Variants in MCPH1 observed in about 807,000 individuals in gnomAD.
The protein encoded by MCPH1 is microcephalin.
MCPH1 carries 104 observed loss-of-function variants against 84.5 expected under a neutral mutation model. The observed-to-expected ratio is 1.23, with a 90% confidence interval of 1.05 to 1.45. The LOEUF (loss-of-function observed/expected upper bound fraction) is 1.45. Among genes scored for constraint, MCPH1 ranks in the 40% most tolerant of loss-of-function variants. The pLI is 0.00. For synonymous variants in MCPH1, 514 were observed against 366.8 expected (o/e 1.40, Z -4.58); for missense variants, 1,498 against 1,005.7 (o/e 1.49, Z -6.62).
intron 5 of MCPH1, among the ~76,000 whole-genome samples, chr8:6,437,226 G>A (rs1282798490): frequency 6.6e-6 from 1 of 151,796 alleles, no homozygotes; most frequent in Non-Finnish European, 1.5e-5. Flanking sequence ...TAGAATTGTC[G>A]AGATTTATTT....
chr8:6,622,647 G>GGGTATC (rs1361461294), intron 13 of MCPH1, among the ~76,000 whole-genome samples: 1 of 152,180 alleles, frequency 6.6e-6, no homozygotes, highest in Non-Finnish European at 1.5e-5. Context: ...GTCTAAGATG[G>GGGTATC]GGTATCGGCA....
intron 13 of MCPH1, among the ~76,000 whole-genome samples, chr8:6,637,334 G>A (rs1329918584): frequency 6.6e-6 from 1 of 152,214 alleles, no homozygotes; most frequent in African/African-American, 2.4e-5. Flanking sequence ...TTGCAGGTGA[G>A]TGGCATTTGA....
chr8:6,539,149 T>G lies in MCPH1; in HGVS notation c.2214+39220T>G, dbSNP rs2922877. On this transcript the variant is annotated intron_variant, in intron 12 of 13. Transcript: ENST00000344683. ...GGGAAGGGCTGGGAGATGCGGATTTTGGGCAGCACTTTGTCCTCCTAAACC... is the reference window on the plus strand; with the variant it reads ...GGGAAGGGCTGGGAGATGCGGATTTGGGGCAGCACTTTGTCCTCCTAAACC... Among the ~76,000 whole-genome samples the G allele has an allele frequency of 6.5e-3, 995 of 152,320 alleles. 16 individuals carry two copies. The highest frequency in any genetic ancestry group is 0.023 in the African/African-American group (963 of 41,578).
Position 6,605,878 on chromosome 8 carries a change from A to G in MCPH1, c.2215-15576A>G, listed in dbSNP as rs534723605. 2.3e-4 allele frequency among the ~76,000 whole-genome samples: 35 copies of G among 152,160 alleles called. 1 individual carries two copies. In the South Asian group the frequency reaches 6.9e-3, roughly 30 times the overall value. ...ATGCCCAACTAATTTTTGTATTTTT[A>G]GTAAAGATGGGTTTCTCCATGTTGG... is the stretch of plus-strand genomic sequence containing the variant. On this transcript the variant is annotated intron_variant, in intron 12 of 13. Transcript: ENST00000344683.
chr8:6,626,474 G>GTTTTTTTTTTTTTTTTTTTTGTT (rs71213328), intron 13 of MCPH1: 1 of 648,104 alleles, frequency 1.5e-6, no homozygotes, highest in Non-Finnish European at 1.8e-6. Flanking sequence ...TTTTTGTTTT[G>GTTTTTTTTTTTTTTTTTTTTGTT]TTTTTTTTTT....
At chr8:6,641,944 G>A (rs182921093) in intron 13 of MCPH1, among the ~76,000 whole-genome samples, 4 of 152,168 alleles carry the variant, frequency 2.6e-5, no homozygotes, top group East Asian at 1.9e-4. Flanking sequence ...ACTGACCCAG[G>A]CCTCCTGGGT....
chr8:6,442,001 T>A (rs1585788191), intron 6 of MCPH1, 66 bp from the exon 7 acceptor site: 1 of 1,107,106 alleles, frequency 9.0e-7, no homozygotes, highest in Non-Finnish European at 1.4e-6. Context: ...GAGGACTTCC[T>A]GCTGGCTTCA....
rs193153759 is a variant in MCPH1 at position 6,459,298 on chromosome 8, T to C, written c.1935+4046T>C. 3.8e-4 allele frequency among the ~76,000 whole-genome samples: 49 copies of C among 129,626 alleles called. No individual in the cohort carries two copies. In the East Asian group the frequency reaches 5.6e-3, roughly 15 times the overall value. The allele number at this position is 129,626 out of a possible 152,430, so 85.0% of individuals were successfully genotyped here. A position where few individuals can be genotyped will look rare whatever the true frequency, so the allele number is the denominator to read the frequency against. On this transcript the variant is annotated intron_variant, in intron 9 of 13. Transcript: ENST00000344683. The stretch of plus-strand genomic sequence containing the variant: ...GCCTTTTTTGTTTGTTTGTTTGAGA[T>C]GGAGTCTCGCTGTGTCACCCAGGCT...
chr8:6,564,365 C>G (rs1206013495), intron 12 of MCPH1, among the ~76,000 whole-genome samples: 1 of 152,168 alleles, frequency 6.6e-6, no homozygotes, highest in Non-Finnish European at 1.5e-5. Flanking sequence ...TGGTATTAGA[C>G]TCGGGCAAGT....
chr8:6,515,414 G>C (rs1168060472), intron 12 of MCPH1, among the ~76,000 whole-genome samples: 4 of 152,268 alleles, frequency 2.6e-5, no homozygotes, highest in East Asian at 3.9e-4. Flanking sequence ...GCTTGGCTTA[G>C]CACCTTGGCC....
chr8:6,545,656 A>G, intron 12 of MCPH1, among the ~76,000 whole-genome samples: 1 of 152,246 alleles, frequency 6.6e-6, no homozygotes, highest in South Asian at 2.1e-4. Context: ...CTCTTGGAAG[A>G]CCAAGAAAGA....
At chr8:6,542,467 A>T (rs1381322637) in intron 12 of MCPH1, among the ~76,000 whole-genome samples, 2 of 152,042 alleles carry the variant, frequency 1.3e-5, no homozygotes, top group Admixed American at 6.6e-5. Context: ...ATATTGTCGG[A>T]GTGTCACTGT....
In MCPH1 at chr8:6,455,140, T is replaced by C; in HGVS notation, c.1826-3T>C. ...ACTAATTTTTAATCCCCTTGGGTTTTAGGTGTTAAAAATAGACCAACAAGG... is the reference window on the plus strand; with the variant it reads ...ACTAATTTTTAATCCCCTTGGGTTTCAGGTGTTAAAAATAGACCAACAAGG... On this transcript the variant is annotated splice_polypyrimidine_tract_variant and splice_region_variant and intron_variant, in intron 8 of 13. Coordinates refer to ENST00000344683, the MANE Select transcript of MCPH1 (RefSeq NM_024596.5). 6.8e-6 allele frequency: 11 copies of C among 1,611,548 alleles called. No homozygotes were observed. The highest frequency in any genetic ancestry group is 9.3e-6 in the Non-Finnish European group (11 of 1,177,716).
chr8:6,442,092 T>G lies in MCPH1; in HGVS notation c.606T>G (p.His202Gln). 6.2e-7 allele frequency: 1 copy of G among 1,613,432 alleles called. No individual in the cohort carries two copies. The highest frequency in any genetic ancestry group is 1.1e-5 in the South Asian group (1 of 91,070). Reference sequence around the variant, plus strand: ...CTTCCCAAATGATTCAGCAGTCTCATGATAATCCAAGTAACTCTCTGTGTG... The same window carrying G: ...CTTCCCAAATGATTCAGCAGTCTCAGGATAATCCAAGTAACTCTCTGTGTG... ...PTSSQMIQQS[H>Q]DNPSNSLCEA... Residue 202 changes from histidine (H) to glutamine (Q), a missense_variant, in exon 7 of 14, where the codon CAT becomes CAG. By Grantham distance (24) the His-to-Gln change is conservative. Transcript: ENST00000344683.
chr8:6,603,247 A>G (rs1321292841), intron 12 of MCPH1, among the ~76,000 whole-genome samples: 4 of 152,080 alleles, frequency 2.6e-5, no homozygotes, highest in Non-Finnish European at 4.4e-5. Context: ...TAACATGAAT[A>G]GTTTCAGAAG....
chr8:6,558,523 A>C (rs1586618036), intron 12 of MCPH1, among the ~76,000 whole-genome samples: 1 of 152,320 alleles, frequency 6.6e-6, no homozygotes, highest in Admixed American at 6.5e-5. Context: ...TATCCTTCTC[A>C]AGTTTCATCT....
intron 12 of MCPH1, among the ~76,000 whole-genome samples, chr8:6,601,252 A>T (rs781750813): frequency 4.6e-5 from 7 of 152,138 alleles, no homozygotes; most frequent in African/African-American, 7.2e-5. Context: ...GCATCTCTGG[A>T]AAACAGTTCT....
chr8:6,622,125 C>T (rs28519374), intron 13 of MCPH1: 1 of 293,254 alleles, frequency 3.4e-6, no homozygotes, highest in Non-Finnish European at 6.8e-6. Flanking sequence ...AGGTACATCT[C>T]ATGATCACTC....
intron 13 of MCPH1, chr8:6,624,930 C>A: frequency 1.1e-6 from 1 of 877,754 alleles, no homozygotes; most frequent in Non-Finnish European, 1.4e-6. Flanking sequence ...CTGGAGTGTG[C>A]AGTGATGAGA....
Sources: allele counts gnomAD v4.1 joint callset (sites outside exome capture counted in the v4.1 genomes callset), GRCh38; gene constraint gnomAD v4.1.1; transcripts MANE v1.5; gene names NCBI Gene and HGNC (gene_info 2026-07-23, HGNC 2026-07-21).